Variants in ADAM8 observed in about 807,000 individuals in gnomAD.
ADAM8 encodes ADAM metallopeptidase domain 8.
In ADAM8, 104 loss-of-function variants were observed where a neutral mutation model predicts 102.4. The ratio of observed to expected loss-of-function variants is 1.02; its 90% CI spans 0.87 to 1.20. ADAM8 has a LOEUF of 1.20. Ranked by LOEUF, ADAM8 falls within the 50% of genes most tolerant of loss-of-function variation. The pLI is 0.00. For missense variants in ADAM8, 1,132 were observed against 1,159.0 expected (o/e 0.98, Z 0.34); for synonymous variants, 517 against 485.2 (o/e 1.07, Z -0.86).
At position 133,269,454 on chromosome 10, in the gene ADAM8, C is replaced by T. The variant is rs1368170154; in HGVS notation, c.1939G>A (p.Val647Met). The T allele has an allele frequency of 6.3e-7, 1 of 1,596,728 alleles. No individual in the cohort carries two copies. Among genetic ancestry groups the T allele is most frequent in the East Asian group, 2.2e-5 (1 of 44,664 alleles). The change falls in exon 18 of 23, where the codon GTG (valine) becomes ATG (methionine). Residue 647 changes from valine to methionine, a missense_variant. By Grantham distance (21) the Val-to-Met change is conservative (BLOSUM62 1). Transcript: ENST00000445355. ...PPHCAKLLTE[V>M]HAASGSLPVF... ...GGCCAGGGAGGCCTACCTGCGTGCA[C>T]CTCAGTCAGCAGCTTCGCGCAGTGG...
chr10:133,265,666 G>A (rs572986434), intron 21 of ADAM8, among the ~76,000 whole-genome samples: 127 of 152,116 alleles, frequency 8.3e-4, no homozygotes, highest in African/African-American at 2.9e-3. Context: ...GCATGGTCGC[G>A]GGCACCTGTA....
rs759599713 is a variant in ADAM8 at position 133,273,941 on chromosome 10, C to T, written c.306+10G>A. The stretch of plus-strand genomic sequence containing the variant: ...TACCTGCCCGCCCAGCTGCTCCGCC[C>T]GACCCATACCTGCCCGCGAGGCTGC... On this transcript the variant is annotated intron_variant, in intron 4 of 22. Coordinates refer to ENST00000445355, the MANE Select transcript of ADAM8 (RefSeq NM_001109.5). 2.7e-5 allele frequency: 43 copies of T among 1,591,152 alleles called. No homozygotes were observed. In the South Asian group the frequency reaches 3.9e-4, roughly 14 times the overall value.
rs75235176 is a variant in ADAM8, at chr10:133,270,076, G to A, written c.1786-102C>T. 5,163 of 1,341,284 alleles carry A rather than the reference G, an allele frequency of 3.8e-3. 146 individuals carry two copies. The East Asian group carries it at 0.074, about 19-fold the overall frequency. The allele number at this position is 1,341,284 out of a possible 1,614,324, so 83.1% of individuals were successfully genotyped here. ...GCTGGGGGTGGGCTGTGGTCACCAC[G>A]TCCAAGGTGGCTGTGCTTCAGCCCA... is the stretch of plus-strand genomic sequence containing the variant. On this transcript the variant is annotated intron_variant, in intron 16 of 22. Coordinates refer to ENST00000445355, the MANE Select transcript of ADAM8 (RefSeq NM_001109.5).
At position 133,268,767 on chromosome 10, in the gene ADAM8, G is replaced by A. The variant is rs138783212; in HGVS notation, c.2044C>T (p.Arg682Trp). ...LAGIIVYRKA[R>W]SRILSRNVAP... ...CCTCACCTGCTCAGGATGCGGCTCC[G>A]GGCTTTGCGGTAGACGATGATGCCT... The change falls in exon 19 of 23, where the codon CGG becomes TGG. Residue 682 changes from arginine to tryptophan, a missense_variant. Transcript: ENST00000445355. 1.5e-5 allele frequency: 24 copies of A among 1,610,662 alleles called. 1 individual carries two copies. Among genetic ancestry groups the A allele is most frequent in the African/African-American group, 4.0e-5 (3 of 75,056 alleles).
rs1368907831 is a variant in ADAM8 at position 133,276,827 on chromosome 10, G to A, written c.-10C>T. The A allele has an allele frequency of 6.6e-7, 1 of 1,523,134 alleles. No individual in the cohort carries two copies. The highest frequency in any genetic ancestry group is 2.0e-5 in the Admixed American group (1 of 49,788). 94.4% of individuals were successfully genotyped at this position (1,523,134 alleles called of 1,614,324 possible). A position where few individuals can be genotyped will look rare whatever the true frequency, so the allele number is the denominator to read the frequency against. ...GCCCGAGGCCGCGCATGGCCGGGTC[G>A]GGGAGCAGAGGCGGAGGTGACAGCC... is the stretch of plus-strand genomic sequence containing the variant. On this transcript the variant is annotated 5_prime_UTR_variant, in exon 1 of 23. Coordinates refer to ENST00000445355, the MANE Select transcript of ADAM8 (RefSeq NM_001109.5).
rs1846356517 is a variant in ADAM8, at chr10:133,267,349, C to T, written c.2319+3G>A. ...GCTTGGCCGCCCAATCACCACTGCT[C>T]ACCTGCTTTGGTGCCTGCCGGGTGT... On this transcript the variant is annotated splice_donor_region_variant and intron_variant, in intron 21 of 22. Transcript: ENST00000445355. 2.5e-6 allele frequency: 4 copies of T among 1,606,684 alleles called. No homozygotes were observed. The highest frequency in any genetic ancestry group is 2.2e-5 in the East Asian group (1 of 44,616).
rs370671452 is a variant in ADAM8, at chr10:133,270,120, C to A, written c.1786-146G>T. On this transcript the variant is annotated intron_variant, in intron 16 of 22. Coordinates refer to ENST00000445355, the MANE Select transcript of ADAM8 (RefSeq NM_001109.5). ...CAGCCCATCTGCCGGCTGCCTACCCCCAAAGCCCCTGGGAAGTGGCCCTCC... is the reference window on the plus strand; with the variant it reads ...CAGCCCATCTGCCGGCTGCCTACCCACAAAGCCCCTGGGAAGTGGCCCTCC... 84 of 1,162,084 alleles carry A rather than the reference C, an allele frequency of 7.2e-5. No individual in the cohort carries two copies. In the African/African-American group the frequency reaches 1.2e-3, roughly 16 times the overall value. 72.0% of individuals were successfully genotyped at this position (1,162,084 alleles called of 1,614,324 possible).
chr10:133,272,673 C>A, intron 8 of ADAM8, 88 bp from the exon 9 acceptor site: 1 of 1,537,888 alleles, frequency 6.5e-7, no homozygotes, highest in Non-Finnish European at 8.8e-7. Flanking sequence ...ACCTGTCCCA[C>A]GGCGAGGTGG....
chr10:133,271,347 C>T (rs917941377), intron 12 of ADAM8, 58 bp from the exon 13 acceptor site: 224 of 1,556,590 alleles, frequency 1.4e-4, no homozygotes, highest in Middle Eastern at 9.1e-4. Flanking sequence ...GGCTCCAGGG[C>T]GGACCTGGCC....
At position 133,276,824 on chromosome 10, in the gene ADAM8, G is replaced by A. The variant is rs1231804955; in HGVS notation, c.-7C>T. 1.3e-6 allele frequency: 2 copies of A among 1,524,824 alleles called. No homozygotes were observed. Among genetic ancestry groups the A allele is most frequent in the Middle Eastern group, 1.7e-4 (1 of 5,834 alleles). The allele number at this position is 1,524,824 out of a possible 1,614,324, so 94.5% of individuals were successfully genotyped here. A position where few individuals can be genotyped will look rare whatever the true frequency, so the allele number is the denominator to read the frequency against. On this transcript the variant is annotated 5_prime_UTR_variant, in exon 1 of 23. Transcript: ENST00000445355. The stretch of plus-strand genomic sequence containing the variant: ...AGAGCCCGAGGCCGCGCATGGCCGG[G>A]TCGGGGAGCAGAGGCGGAGGTGACA...
chr10:133,272,994 C>T lies in ADAM8; in HGVS notation c.599G>A (p.Arg200His), dbSNP rs756309460. The T allele has an allele frequency of 2.2e-5, 35 of 1,612,746 alleles. No individual in the cohort carries two copies. The highest frequency in any genetic ancestry group is 4.0e-5 in the African/African-American group (3 of 74,902). The change falls in exon 7 of 23, where the codon CGC (arginine) becomes CAC (histidine). Residue 200 changes from arginine (R) to histidine (H), a missense_variant. Coordinates refer to ENST00000445355, the MANE Select transcript of ADAM8 (RefSeq NM_001109.5). ...PGDSLPSRET[R>H]YVELYVVVDN... ...CACGACCACATACAGCTCCACGTAG[C>T]GGGTCTCTCGGGATGGCAGAGAGTC... is the stretch of plus-strand genomic sequence containing the variant.
At chr10:133,274,931 T>G (rs754324117) in intron 2 of ADAM8, 58 of 422,114 alleles carry the variant, frequency 1.4e-4, no homozygotes, top group Non-Finnish European at 2.5e-4. Flanking sequence ...AGCGGGCAGG[T>G]CGGTAGTAGG....
At chr10:133,271,174 G>A in intron 13 of ADAM8, 26 bp downstream of exon 13, 1 of 1,605,076 alleles carries the variant, frequency 6.2e-7, no homozygotes, top group Non-Finnish European at 8.5e-7. Context: ...GGGCTCTGGG[G>A]GTCACTGGTG....
At chr10:133,267,531 C>A in intron 20 of ADAM8, 114 bp from the exon 21 acceptor site, 2 of 1,098,904 alleles carry the variant, frequency 1.8e-6, no homozygotes, top group Admixed American at 2.5e-5. Context: ...GAGGCGTCTG[C>A]GCGGCCCACA....
rs546637956 is a variant in ADAM8 at position 133,267,912 on chromosome 10, C to T, written c.2253+17G>A. 2 of 1,258,744 alleles carry T rather than the reference C, an allele frequency of 1.6e-6. No homozygotes were observed. The highest frequency in any genetic ancestry group is 2.0e-6 in the Non-Finnish European group (2 of 996,538). 78.0% of individuals were successfully genotyped at this position (1,258,744 alleles called of 1,614,324 possible). ...CACTGCTTTCGGCCTCATGAACCCG[C>T]CAGGGGTGGTGCTTACAGCAGGGGG... is the stretch of plus-strand genomic sequence containing the variant. On this transcript the variant is annotated intron_variant, in intron 20 of 22. Transcript: ENST00000445355.
intron 5 of ADAM8, 144 bp from the exon 6 acceptor site, chr10:133,273,587 T>A: frequency 7.9e-7 from 1 of 1,266,894 alleles, no homozygotes; most frequent in Non-Finnish European, 1.1e-6. Context: ...GGCCCCAGGG[T>A]ACAGGAGGGT....
At chr10:133,275,950 G>A (rs781732149) in intron 1 of ADAM8, 12 of 223,256 alleles carry the variant, frequency 5.4e-5, no homozygotes, top group Non-Finnish European at 9.6e-5. Context: ...CGACCTGCCC[G>A]TTTCCATTCT....
Position 133,267,356 on chromosome 10 carries a change from T to G in ADAM8, c.2315A>C (p.Lys772Thr), listed in dbSNP as rs1396276071. ...CGCCCAATCACCACTGCTCACCTGC[T>G]TTGGTGCCTGCCGGGTGTAGACAGG... ...PVPVYTRQAP[K>T]QVIKPTFAPP... Residue 772 changes from lysine (K) to threonine (T), a missense_variant, in exon 21 of 23, where the codon AAG becomes ACG. Physicochemically the swap from Lys to Thr is moderately conservative, Grantham distance 78. Coordinates refer to ENST00000445355, the MANE Select transcript of ADAM8 (RefSeq NM_001109.5). 1.2e-6 allele frequency: 2 copies of G among 1,608,240 alleles called. No homozygotes were observed. The highest frequency in any genetic ancestry group is 1.7e-5 in the Admixed American group (1 of 59,068).
intron 19 of ADAM8, 99 bp downstream of exon 19, chr10:133,268,649 C>T (rs1589803927): frequency 6.0e-6 from 8 of 1,322,360 alleles, no homozygotes; most frequent in South Asian, 1.3e-5. Flanking sequence ...CCTGGGTGTC[C>T]GTGCCGTCCA....
Sources: gnomAD v4.1 joint callset for allele counts (sites outside exome capture counted in the v4.1 genomes callset) on GRCh38, gnomAD v4.1.1 for gene constraint, MANE v1.5 for transcripts, NCBI Gene and HGNC (gene_info 2026-07-23, HGNC 2026-07-21) for gene names.